DDC: variants seen among roughly 807,000 people sequenced by gnomAD.
DDC encodes the protein dopa decarboxylase, also known as aromatic-L-amino-acid decarboxylase.
A neutral mutation model predicts 60.0 loss-of-function variants in DDC; 43 were observed. The ratio of observed to expected loss-of-function variants is 0.72; its 90% CI spans 0.56 to 0.92. DDC has a LOEUF of 0.92. DDC is among the 40% of genes least tolerant of loss of function. DDC has a pLI of 0.00. For missense variants in DDC, 573 were observed against 620.2 expected, an observed-to-expected ratio of 0.92 and a Z score of 0.81; for synonymous variants, 232 against 234.6, an observed-to-expected ratio of 0.99 and a Z score of 0.10.
chr7:50,459,739 A>C (rs1244724605), intron 14 of DDC: 13 of 161,644 alleles, frequency 8.0e-5, no homozygotes, highest in African/African-American at 3.2e-4. Context: ...CCGTCTGGGA[A>C]GTGAGGAGCG....
chr7:50,543,439 A>G (rs2044699215), intron 2 of DDC: 1 of 294,912 alleles, frequency 3.4e-6, no homozygotes, highest in Non-Finnish European at 6.6e-6. Flanking sequence ...ACTCTCAAAT[A>G]AACTAAAGAA....
chr7:50,463,152 A>G (rs2042319721), intron 14 of DDC, 61 bp downstream of exon 14: 3 of 1,393,206 alleles, frequency 2.2e-6, no homozygotes, highest in Non-Finnish European at 2.0e-6. Flanking sequence ...TCTGGACTCC[A>G]GGAGGACACT....
chr7:50,484,763 C>T (rs1252570520), intron 9 of DDC, among the ~76,000 whole-genome samples: 1 of 152,146 alleles, frequency 6.6e-6, no homozygotes, highest in Non-Finnish European at 1.5e-5. Flanking sequence ...TGTAACCAGA[C>T]ACATTCCTAG....
At chr7:50,498,287 C>T (rs2043169400) in intron 8 of DDC, among the ~76,000 whole-genome samples, 1 of 152,224 alleles carries the variant, frequency 6.6e-6, no homozygotes, top group South Asian at 2.1e-4. Context: ...CCTTCATCTG[C>T]CATCACACAT....
At chr7:50,499,027 A>G (rs1018126415) in intron 8 of DDC, 121 bp downstream of exon 8, 1 of 822,614 alleles carries the variant, frequency 1.2e-6, no homozygotes, top group Admixed American at 1.9e-5. Flanking sequence ...AATTGGTTCA[A>G]ACATAATTGG....
chr7:50,490,093 T>C (rs921885687), intron 9 of DDC, among the ~76,000 whole-genome samples: 1 of 152,172 alleles, frequency 6.6e-6, no homozygotes, highest in Non-Finnish European at 1.5e-5. Context: ...TGTGATCCTG[T>C]TCTGTCATTG....
At chr7:50,524,633 A>T (rs187917298) in intron 6 of DDC, among the ~76,000 whole-genome samples, 1 of 152,354 alleles carries the variant, frequency 6.6e-6, no homozygotes, top group Admixed American at 6.5e-5. Context: ...ATGCATATCT[A>T]TCAAAATGGA....
At chr7:50,521,179 A>C (rs78713462) in intron 6 of DDC, among the ~76,000 whole-genome samples, 13,485 of 152,100 alleles carry the variant, frequency 0.089, 954 homozygotes, top group South Asian at 0.14. Context: ...ATGGATTCCA[A>C]GGCCACAAAT....
chr7:50,492,994 G>C (rs1011964867), intron 9 of DDC: 2 of 1,598,104 alleles, frequency 1.3e-6, no homozygotes, highest in Non-Finnish European at 1.7e-6. Flanking sequence ...CATACGCACT[G>C]GTTGTCTGGA....
chr7:50,465,692 A>G (rs947957773), intron 13 of DDC, among the ~76,000 whole-genome samples: 4 of 152,270 alleles, frequency 2.6e-5, no homozygotes, highest in Non-Finnish European at 5.9e-5. Context: ...CTTTAAATGA[A>G]CAAAGTGAAT....
At chr7:50,562,484 G>A (rs1293758749) in intron 1 of DDC, among the ~76,000 whole-genome samples, 6 of 152,356 alleles carry the variant, frequency 3.9e-5, no homozygotes, top group African/African-American at 1.4e-4. Flanking sequence ...GCAGGCCCCA[G>A]CCGTGAGCAT....
intron 9 of DDC, among the ~76,000 whole-genome samples, chr7:50,480,867 C>T (rs2042752951): frequency 6.6e-6 from 1 of 152,146 alleles, no homozygotes; most frequent in Non-Finnish European, 1.5e-5. Context: ...CACCTGTCTG[C>T]ACACAGAGCA....
chr7:50,540,621 G>A (rs2044596929), intron 2 of DDC, among the ~76,000 whole-genome samples: 1 of 152,182 alleles, frequency 6.6e-6, no homozygotes, highest in Non-Finnish European at 1.5e-5. Flanking sequence ...CAAGCAGCTG[G>A]ATCACCCCAC....
At chr7:50,483,702 A>G (rs1416058477) in intron 9 of DDC, among the ~76,000 whole-genome samples, 1 of 152,088 alleles carries the variant, frequency 6.6e-6, no homozygotes, top group African/African-American at 2.4e-5. Context: ...GGAGATCGAG[A>G]CCATCCTGGC....
At chr7:50,489,605 CTG>C (rs951094081) in intron 9 of DDC, among the ~76,000 whole-genome samples, 2 of 152,160 alleles carry the variant, frequency 1.3e-5, no homozygotes, top group African/African-American at 4.8e-5. Context: ...TCAAAATAAA[CTG>C]TGTTCAAGAG....
intron 14 of DDC, among the ~76,000 whole-genome samples, 194 bp from the exon 15 acceptor site, chr7:50,459,037 G>A (rs1369437296): frequency 6.6e-6 from 1 of 151,804 alleles, no homozygotes; most frequent in Non-Finnish European, 1.5e-5. Context: ...CTGCCATCTC[G>A]GCTCACTGCA....
chr7:50,504,739 A>G (rs184830241), intron 6 of DDC, among the ~76,000 whole-genome samples: 2 of 152,208 alleles, frequency 1.3e-5, no homozygotes, highest in East Asian at 1.9e-4. Flanking sequence ...GTGTGCATAC[A>G]CCCATGTGCA....
chr7:50,497,416 G>A (rs1045930416), intron 8 of DDC, among the ~76,000 whole-genome samples: 7 of 152,128 alleles, frequency 4.6e-5, no homozygotes, highest in African/African-American at 1.7e-4. Flanking sequence ...AAAAGATCAC[G>A]AACCCTAAAC....
intron 3 of DDC, 112 bp from the exon 4 acceptor site, chr7:50,538,091 A>G (rs1283450083): frequency 2.3e-6 from 3 of 1,325,310 alleles, no homozygotes; most frequent in Middle Eastern, 2.1e-4. Flanking sequence ...AAAATCACCC[A>G]ATCTCAGATG....
Sources: allele counts gnomAD v4.1 joint callset (sites outside exome capture counted in the v4.1 genomes callset), GRCh38; gene constraint gnomAD v4.1.1; transcripts MANE v1.5; gene names NCBI Gene and HGNC (gene_info 2026-07-23, HGNC 2026-07-21).